ST7: variants seen among roughly 807,000 people sequenced by gnomAD.
ST7 encodes suppression of tumorigenicity 7.
A neutral mutation model predicts 78.7 loss-of-function variants in ST7; 28 were observed. The ratio of observed to expected loss-of-function variants is 0.36; its 90% CI spans 0.26 to 0.49. The LOEUF (loss-of-function observed/expected upper bound fraction) is 0.49. ST7 is among the 20% of genes least tolerant of loss of function. ST7 has a pLI of 0.99. For synonymous variants in ST7, 247 were observed against 249.6 expected (o/e 0.99, Z 0.10); for missense variants, 418 against 696.0 (o/e 0.60, Z 4.49).
At chr7:116,958,659 A>G (rs180984271) in intron 1 of ST7, 2 of 471,082 alleles carry the variant, frequency 4.2e-6, no homozygotes, top group East Asian at 1.4e-4. Context: ...AGATATTGCA[A>G]GTTTGGTTCC....
chr7:116,993,386 C>T (rs1794510680), intron 1 of ST7, among the ~76,000 whole-genome samples: 2 of 152,098 alleles, frequency 1.3e-5, no homozygotes, highest in South Asian at 2.1e-4. Flanking sequence ...GATGCAAAAA[C>T]GGAAACCCCT....
At chr7:116,961,527 T>C (rs1285278714) in intron 1 of ST7, among the ~76,000 whole-genome samples, 1 of 151,144 alleles carries the variant, frequency 6.6e-6, no homozygotes, top group Non-Finnish European at 1.5e-5. Flanking sequence ...GTAGTGATCC[T>C]TCACCTCCAT....
At chr7:117,052,272 A>G (rs904580812) in intron 1 of ST7, among the ~76,000 whole-genome samples, 2 of 152,172 alleles carry the variant, frequency 1.3e-5, no homozygotes, top group Non-Finnish European at 2.9e-5. Context: ...AACTAGAAAG[A>G]TTATCTTTCC....
At chr7:116,974,423 C>A (rs1793596983) in intron 1 of ST7, among the ~76,000 whole-genome samples, 1 of 151,984 alleles carries the variant, frequency 6.6e-6, no homozygotes, top group South Asian at 2.1e-4. Context: ...TCCCAAGTAG[C>A]TGGGACTACA....
intron 12 of ST7, among the ~76,000 whole-genome samples, chr7:117,192,346 C>A (rs1004045525): frequency 1.3e-5 from 2 of 152,088 alleles, no homozygotes; most frequent in African/African-American, 2.4e-5. Context: ...GATTCTGAGG[C>A]GAAAACTTGT....
chr7:117,226,192 C>T (rs1275706873), intron 15 of ST7, among the ~76,000 whole-genome samples: 6 of 152,094 alleles, frequency 3.9e-5, no homozygotes, highest in Admixed American at 1.3e-4. Context: ...TAAGCAGAGG[C>T]GTTTTGAATG....
chr7:117,098,272 A>C (rs1282816396), intron 1 of ST7, among the ~76,000 whole-genome samples: 1 of 151,740 alleles, frequency 6.6e-6, no homozygotes, highest in Non-Finnish European at 1.5e-5. Flanking sequence ...CTGCTTGGAA[A>C]GGCCCATGCT....
At chr7:117,211,027 C>T (rs1792244712) in intron 13 of ST7, among the ~76,000 whole-genome samples, 1 of 152,144 alleles carries the variant, frequency 6.6e-6, no homozygotes, top group Admixed American at 6.6e-5. Flanking sequence ...TAATCTGCTC[C>T]TCCCTTTTCC....
At chr7:117,010,712 T>C (rs554639326) in intron 1 of ST7, among the ~76,000 whole-genome samples, 1 of 152,328 alleles carries the variant, frequency 6.6e-6, no homozygotes, top group East Asian at 1.9e-4. Context: ...ACATTTATAA[T>C]CCAACCCTGG....
At chr7:117,022,684 ACTAT>A (rs1265075372) in intron 1 of ST7, among the ~76,000 whole-genome samples, 2 of 152,212 alleles carry the variant, frequency 1.3e-5, no homozygotes, top group African/African-American at 4.8e-5. Flanking sequence ...TACTTGTTTA[ACTAT>A]CTATTCTGTA....
chr7:116,988,525 T>G (rs1794281075), intron 1 of ST7, among the ~76,000 whole-genome samples: 1 of 152,214 alleles, frequency 6.6e-6, no homozygotes, highest in Non-Finnish European at 1.5e-5. Context: ...ATTATAAAGC[T>G]AATTCATCTT....
rs375897209 is a variant in ST7, at chr7:117,053,863, T to A, written c.152-45899T>A. Among the ~76,000 whole-genome samples, 75 of 137,474 alleles carry A rather than the reference T, an allele frequency of 5.5e-4. 1 individual carries two copies. The highest frequency in any genetic ancestry group is 4.2e-3 in the Admixed American group (57 of 13,596). The allele number at this position is 137,474 out of a possible 152,430, so 90.2% of individuals were successfully genotyped here. A position where few individuals can be genotyped will look rare whatever the true frequency, so the allele number is the denominator to read the frequency against. ...GAGGACTAGACGGTTTTTTTTTTTT[T>A]AAGACGGAGTCTTGCTCTGTTACCC... On this transcript the variant is annotated intron_variant, in intron 1 of 15. Coordinates refer to ENST00000323984, the MANE Select transcript of ST7 (RefSeq NM_001369598.1).
At chr7:117,031,860 ATC>A (rs1192088756) in intron 1 of ST7, among the ~76,000 whole-genome samples, 2 of 133,014 alleles carry the variant, frequency 1.5e-5, no homozygotes, top group Admixed American at 8.1e-5. Flanking sequence ...ATCTATATCT[ATC>A]TATCTATCTA....
At chr7:116,968,392 G>T (rs1329887155) in intron 1 of ST7, 1 of 424,246 alleles carries the variant, frequency 2.4e-6, no homozygotes, top group Non-Finnish European at 4.7e-6. Flanking sequence ...GCTTCTTCTT[G>T]AGACAGTGTC....
At chr7:117,106,769 C>T (rs542475530) in intron 2 of ST7, among the ~76,000 whole-genome samples, 7 of 151,754 alleles carry the variant, frequency 4.6e-5, no homozygotes, top group South Asian at 2.1e-4. Context: ...TACAGGCGCC[C>T]GCCACCATGC....
chr7:117,201,139 G>T (rs955804985), intron 12 of ST7, among the ~76,000 whole-genome samples: 2 of 152,028 alleles, frequency 1.3e-5, no homozygotes, highest in African/African-American at 4.8e-5. Context: ...AAATACCCTG[G>T]CAGACTGTCT....
chr7:117,205,771 A>G (rs1481511541), intron 12 of ST7, among the ~76,000 whole-genome samples: 3 of 152,208 alleles, frequency 2.0e-5, no homozygotes, highest in Non-Finnish European at 2.9e-5. Flanking sequence ...AGATTTTGAA[A>G]AGTTGCTTCC....
At chr7:117,012,254 T>A (rs1584446905) in intron 1 of ST7, among the ~76,000 whole-genome samples, 1 of 152,212 alleles carries the variant, frequency 6.6e-6, no homozygotes, top group East Asian at 1.9e-4. Context: ...GTAGATTTGG[T>A]TTTATTGGAA....
At chr7:117,145,163 C>T (rs1805661398) in intron 9 of ST7, among the ~76,000 whole-genome samples, 1 of 151,944 alleles carries the variant, frequency 6.6e-6, no homozygotes, top group Non-Finnish European at 1.5e-5. Context: ...CATGATTGTG[C>T]TACTGCATTC....
Sources: gnomAD v4.1 joint callset for allele counts (sites outside exome capture counted in the v4.1 genomes callset) on GRCh38, gnomAD v4.1.1 for gene constraint, MANE v1.5 for transcripts, NCBI Gene and HGNC (gene_info 2026-07-23, HGNC 2026-07-21) for gene names.